Variants in ROR1 observed in about 807,000 individuals in gnomAD.
ROR1 encodes ROR family WNT receptor 1, also known as inactive tyrosine-protein kinase transmembrane receptor ROR1.
Under a neutral mutation model 78.8 loss-of-function variants are expected in ROR1, and 19 were observed. That is an observed-to-expected ratio of 0.24 (90% CI 0.17 to 0.35). The LOEUF is 0.35. ROR1 is among the 10% of genes least tolerant of loss of function. The pLI is 1.00. For missense variants in ROR1, 917 were observed against 1,177.8 expected, an observed-to-expected ratio of 0.78 and a Z score of 3.24; for synonymous variants, 386 against 433.6, an observed-to-expected ratio of 0.89 and a Z score of 1.36.
intron 4 of ROR1, among the ~76,000 whole-genome samples, chr1:64,134,517 G>T (rs1348543784): frequency 1.3e-5 from 2 of 152,100 alleles, no homozygotes; most frequent in African/African-American, 4.8e-5. Flanking sequence ...TAGCTCATCA[G>T]GGGCTGCTTT....
intron 1 of ROR1, among the ~76,000 whole-genome samples, chr1:63,880,808 A>C (rs1223238310): frequency 1.3e-5 from 2 of 152,194 alleles, no homozygotes; most frequent in Non-Finnish European, 2.9e-5. Flanking sequence ...CCATCCACGC[A>C]GTAAATATTT....
intron 8 of ROR1, among the ~76,000 whole-genome samples, chr1:64,161,626 G>A (rs1649947567): frequency 6.6e-6 from 1 of 152,240 alleles, no homozygotes; most frequent in Admixed American, 6.5e-5. Flanking sequence ...GAGACTGGGT[G>A]AAGTAAACAT....
At chr1:63,801,059 T>G (rs571764579) in intron 1 of ROR1, among the ~76,000 whole-genome samples, 1 of 152,294 alleles carries the variant, frequency 6.6e-6, no homozygotes, top group Admixed American at 6.5e-5. Flanking sequence ...TTTTGTTATT[T>G]TATCTGAGCC....
intron 1 of ROR1, among the ~76,000 whole-genome samples, chr1:64,005,442 A>C (rs1646419899): frequency 2.0e-5 from 3 of 152,248 alleles, no homozygotes; most frequent in South Asian, 4.1e-4. Flanking sequence ...TCTAAATGGC[A>C]CATACACATT....
intron 4 of ROR1, among the ~76,000 whole-genome samples, chr1:64,118,082 G>C (rs1557660671): frequency 6.6e-6 from 1 of 152,014 alleles, no homozygotes; most frequent in Non-Finnish European, 1.5e-5. Context: ...TGGCACTTAT[G>C]GTCCCAGCTA....
At chr1:63,855,805 C>T (rs750067443) in intron 1 of ROR1, among the ~76,000 whole-genome samples, 3 of 132,694 alleles carry the variant, frequency 2.3e-5, no homozygotes, top group Admixed American at 7.2e-5. Flanking sequence ...CATGCCACCA[C>T]GCCCCACTAA....
At chr1:63,934,285 C>T (rs997777135) in intron 1 of ROR1, among the ~76,000 whole-genome samples, 4 of 152,040 alleles carry the variant, frequency 2.6e-5, no homozygotes, top group African/African-American at 4.8e-5. Context: ...TGGTTTGAAC[C>T]GAGCCATACC....
chr1:63,867,580 C>T (rs187532240), intron 1 of ROR1, among the ~76,000 whole-genome samples: 2 of 152,300 alleles, frequency 1.3e-5, no homozygotes, highest in Non-Finnish European at 2.9e-5. Context: ...TGATAGCAGG[C>T]GACTCCCTTG....
chr1:63,885,450 A>G (rs1161373462), intron 1 of ROR1, among the ~76,000 whole-genome samples: 1 of 151,802 alleles, frequency 6.6e-6, no homozygotes, highest in African/African-American at 2.4e-5. Context: ...AAACAGGGGG[A>G]TATGGCAGTG....
At chr1:63,844,193 T>C (rs952874702) in intron 1 of ROR1, among the ~76,000 whole-genome samples, 4 of 152,178 alleles carry the variant, frequency 2.6e-5, no homozygotes, top group South Asian at 4.1e-4. Context: ...TCAGTAAACG[T>C]TGGCTGTTAT....
intron 1 of ROR1, among the ~76,000 whole-genome samples, chr1:63,822,493 A>G (rs190872556): frequency 6.6e-6 from 1 of 152,340 alleles, no homozygotes; most frequent in East Asian, 1.9e-4. Flanking sequence ...ATGAGAAAAG[A>G]GCAAAGATGT....
chr1:63,918,943 G>C (rs1191006178), intron 1 of ROR1, among the ~76,000 whole-genome samples: 1 of 152,150 alleles, frequency 6.6e-6, no homozygotes, highest in Admixed American at 6.5e-5. Flanking sequence ...AAAAAGATAA[G>C]TTTGCTAAGC....
At chr1:63,779,368 G>C (rs554456977) in intron 1 of ROR1, among the ~76,000 whole-genome samples, 5 of 152,312 alleles carry the variant, frequency 3.3e-5, no homozygotes, top group Admixed American at 6.5e-5. Flanking sequence ...GGCAAATCCA[G>C]CTCCAGCTGA....
At chr1:64,069,206 C>A (rs1158184321) in intron 4 of ROR1, among the ~76,000 whole-genome samples, 1 of 151,716 alleles carries the variant, frequency 6.6e-6, no homozygotes, top group Non-Finnish European at 1.5e-5. Context: ...TGTGTATTTG[C>A]TGAAAAGGGT....
At position 64,027,247 on chromosome 1, in the gene ROR1, A is replaced by G. The variant is rs187978820; in HGVS notation, c.163+17871A>G. ...CTTTCTCTGACTAAAGTTTCCATTC[A>G]TTTCATTATCCCCTTCCTAGCTTGT... On this transcript the variant is annotated intron_variant, in intron 2 of 8. Coordinates refer to ENST00000371079, the MANE Select transcript of ROR1 (RefSeq NM_005012.4). Among the ~76,000 whole-genome samples the G allele has an allele frequency of 1.0e-3, 158 of 152,262 alleles. 2 individuals carry two copies. The highest frequency in any genetic ancestry group is 3.7e-3 in the African/African-American group (153 of 41,546).
chr1:64,129,652 G>C lies in ROR1; in HGVS notation c.483-7717G>C, dbSNP rs147378086. Among the ~76,000 whole-genome samples, 736 of 152,294 alleles carry C rather than the reference G, an allele frequency of 4.8e-3. 8 individuals carry two copies. The highest frequency in any genetic ancestry group is 0.016 in the African/African-American group (673 of 41,554). On this transcript the variant is annotated intron_variant, in intron 4 of 8. Coordinates refer to ENST00000371079, the MANE Select transcript of ROR1 (RefSeq NM_005012.4). ...TAGAGGTGCAAGGCCGCCCTATCATGAAAACCTCAGTAAATTGAAGACAGT... is the reference window on the plus strand; with the variant it reads ...TAGAGGTGCAAGGCCGCCCTATCATCAAAACCTCAGTAAATTGAAGACAGT...
At chr1:63,847,721 C>T (rs190863251) in intron 1 of ROR1, among the ~76,000 whole-genome samples, 47 of 152,310 alleles carry the variant, frequency 3.1e-4, no homozygotes, top group African/African-American at 1.1e-3. Context: ...TGTGTTCCTG[C>T]CATATTAAAA....
intron 1 of ROR1, among the ~76,000 whole-genome samples, chr1:63,970,846 GAGC>G (rs1424285848): frequency 6.6e-6 from 1 of 152,224 alleles, no homozygotes; most frequent in South Asian, 2.1e-4. Context: ...TCAGGGCACA[GAGC>G]AGAAGTGGTG....
intron 1 of ROR1, among the ~76,000 whole-genome samples, chr1:63,811,864 G>A (rs2100270564): frequency 6.6e-6 from 1 of 152,110 alleles, no homozygotes; most frequent in Admixed American, 6.5e-5. Flanking sequence ...GTGGGTGTGA[G>A]AAGAGCTGCC....
Sources: allele counts gnomAD v4.1 joint callset (sites outside exome capture counted in the v4.1 genomes callset), GRCh38; gene constraint gnomAD v4.1.1; transcripts MANE v1.5; gene names NCBI Gene and HGNC (gene_info 2026-07-23, HGNC 2026-07-21).